PTPRM: variants seen among roughly 807,000 people sequenced by gnomAD.
PTPRM encodes receptor-type tyrosine-protein phosphatase mu.
PTPRM carries 47 observed loss-of-function variants against 186.7 expected under a neutral mutation model. That is an observed-to-expected ratio of 0.25 (90% CI 0.20 to 0.32). PTPRM has a LOEUF of 0.32. Among genes scored for constraint, PTPRM ranks in the 10% least tolerant of loss-of-function variants. PTPRM has a pLI of 1.00. For synonymous variants in PTPRM, 668 were observed against 674.9 expected (o/e 0.99, Z 0.16); for missense variants, 1,494 against 1,865.0 (o/e 0.80, Z 3.66).
At chr18:8,172,239 TC>T (rs1363417382) in intron 14 of PTPRM, among the ~76,000 whole-genome samples, 6 of 151,348 alleles carry the variant, frequency 4.0e-5, no homozygotes, top group Middle Eastern at 3.5e-3. Context: ...AAAGCACTGT[TC>T]CTGAATAACA....
At chr18:8,180,546 G>T (rs1283613653) in intron 14 of PTPRM, among the ~76,000 whole-genome samples, 2 of 152,206 alleles carry the variant, frequency 1.3e-5, no homozygotes, top group Non-Finnish European at 2.9e-5. Flanking sequence ...ATGCTTCCAG[G>T]TCTTGCATTA....
intron 14 of PTPRM, among the ~76,000 whole-genome samples, chr18:8,208,413 A>C (rs141853790): frequency 3.0e-4 from 46 of 152,336 alleles, no homozygotes; most frequent in African/African-American, 1.1e-3. Flanking sequence ...GATAGAATGT[A>C]ACTAAAATAA....
intron 14 of PTPRM, among the ~76,000 whole-genome samples, chr18:8,170,360 G>A (rs780645977): frequency 5.9e-5 from 9 of 152,132 alleles, no homozygotes; most frequent in Non-Finnish European, 1.3e-4. Flanking sequence ...CACAGTTATA[G>A]TCAGTTACAG....
At chr18:7,977,181 C>G (rs1380026658) in intron 7 of PTPRM, among the ~76,000 whole-genome samples, 2 of 152,092 alleles carry the variant, frequency 1.3e-5, no homozygotes, top group Non-Finnish European at 2.9e-5. Flanking sequence ...CCTCCACCTC[C>G]TGGGATCAAG....
chr18:8,279,798 G>T (rs1183493105), intron 19 of PTPRM, among the ~76,000 whole-genome samples: 1 of 152,192 alleles, frequency 6.6e-6, no homozygotes, highest in Non-Finnish European at 1.5e-5. Flanking sequence ...TGCAGAGTTT[G>T]CAGTCTCCTG....
intron 2 of PTPRM, among the ~76,000 whole-genome samples, chr18:7,834,313 T>C (rs1225454673): frequency 6.6e-6 from 1 of 150,988 alleles, no homozygotes; most frequent in Admixed American, 6.6e-5. Context: ...TAATGTATTG[T>C]TGAATTCAGT....
At chr18:8,204,182 C>T (rs1002499735) in intron 14 of PTPRM, among the ~76,000 whole-genome samples, 1 of 152,086 alleles carries the variant, frequency 6.6e-6, no homozygotes, top group Non-Finnish European at 1.5e-5. Flanking sequence ...GGGAATTGCA[C>T]TCATTATTGA....
chr18:8,069,364 G>GC (rs1463406185), intron 7 of PTPRM, among the ~76,000 whole-genome samples: 1 of 152,098 alleles, frequency 6.6e-6, no homozygotes, highest in East Asian at 1.9e-4. Flanking sequence ...CCTCCATCCA[G>GC]CTAATAGGAA....
chr18:7,571,017 C>T (rs892194201), intron 1 of PTPRM, among the ~76,000 whole-genome samples: 2 of 150,900 alleles, frequency 1.3e-5, no homozygotes, highest in Non-Finnish European at 2.9e-5. Flanking sequence ...TGGCTCACTG[C>T]AACCTCCACC....
chr18:8,385,168 G>T (rs1331294468), intron 30 of PTPRM, among the ~76,000 whole-genome samples: 1 of 152,132 alleles, frequency 6.6e-6, no homozygotes, highest in Admixed American at 6.5e-5. Context: ...TATCAAACAT[G>T]GTCAGGTATT....
chr18:8,403,742 G>A (rs1036131279), intron 32 of PTPRM: 12 of 152,264 alleles, frequency 7.9e-5, no homozygotes, highest in East Asian at 3.9e-4. Flanking sequence ...CCCACTTCCA[G>A]GCTCTGGCAA....
At chr18:8,368,467 A>G (rs866198718) in intron 23 of PTPRM, among the ~76,000 whole-genome samples, 6 of 152,100 alleles carry the variant, frequency 3.9e-5, no homozygotes, top group South Asian at 2.1e-4. Flanking sequence ...ATGAGGGGGG[A>G]AAAGATTCCA....
At chr18:7,880,734 C>G (rs2048464875) in intron 2 of PTPRM, among the ~76,000 whole-genome samples, 1 of 152,168 alleles carries the variant, frequency 6.6e-6, no homozygotes, top group African/African-American at 2.4e-5. Context: ...CAGGAAATTT[C>G]TGGAGACATA....
At chr18:7,614,181 G>A (rs978213346) in intron 1 of PTPRM, among the ~76,000 whole-genome samples, 4 of 152,264 alleles carry the variant, frequency 2.6e-5, no homozygotes, top group African/African-American at 9.6e-5. Context: ...TGATTTAAGC[G>A]TTATTGTGGA....
chr18:8,246,486 G>T (rs1275443544), intron 15 of PTPRM, among the ~76,000 whole-genome samples: 1 of 152,084 alleles, frequency 6.6e-6, no homozygotes, highest in Non-Finnish European at 1.5e-5. Flanking sequence ...GCTAGAAGAT[G>T]AAAATATTTT....
intron 9 of PTPRM, among the ~76,000 whole-genome samples, chr18:8,083,191 T>A (rs1482496901): frequency 2.0e-5 from 3 of 152,124 alleles, no homozygotes; most frequent in African/African-American, 7.2e-5. Context: ...GCAGTCAGGG[T>A]GAACTCTTTA....
At chr18:8,357,018 T>G (rs2095566928) in intron 23 of PTPRM, among the ~76,000 whole-genome samples, 1 of 152,254 alleles carries the variant, frequency 6.6e-6, no homozygotes, top group Admixed American at 6.5e-5. Flanking sequence ...CAGATCCAGT[T>G]TAATCCACAT....
chr18:8,008,111 A>T (rs997520248), intron 7 of PTPRM, among the ~76,000 whole-genome samples: 1 of 152,188 alleles, frequency 6.6e-6, no homozygotes, highest in Non-Finnish European at 1.5e-5. Flanking sequence ...TATTGTGTGA[A>T]GAATGGAAAA....
intron 1 of PTPRM, among the ~76,000 whole-genome samples, chr18:7,637,167 CAAA>C (rs11296631): frequency 8.3e-5 from 6 of 72,128 alleles, no homozygotes; most frequent in Admixed American, 1.6e-4. Context: ...GACCCTGACT[CAAA>C]AAAAAAAAAA....
Sources: allele counts gnomAD v4.1 joint callset (sites outside exome capture counted in the v4.1 genomes callset), GRCh38; gene constraint gnomAD v4.1.1; transcripts MANE v1.5; gene names NCBI Gene and HGNC (gene_info 2026-07-23, HGNC 2026-07-21).